TK2: variants seen among roughly 807,000 people sequenced by gnomAD.
The protein encoded by TK2 is thymidine kinase 2, also known as thymidine kinase 2, mitochondrial.
In TK2, 35 loss-of-function variants were observed where a neutral mutation model predicts 41.9. That is an observed-to-expected ratio of 0.84 (90% CI 0.64 to 1.11). TK2 has a LOEUF of 1.11. Ranked by LOEUF, TK2 falls within the 50% of genes least tolerant of loss-of-function variation. The probability of loss-of-function intolerance (pLI) is 0.00; values close to 1 mark genes in which losing one functional copy is unlikely to be tolerated. For synonymous variants in TK2, 128 were observed against 129.1 expected (o/e 0.99, Z 0.06); for missense variants, 320 against 351.1 (o/e 0.91, Z 0.71).
intron 6 of TK2, among the ~76,000 whole-genome samples, chr16:66,519,063 G>A (rs1266128071): frequency 1.3e-5 from 2 of 152,030 alleles, no homozygotes; most frequent in Admixed American, 1.3e-4. Context: ...CCAGGTTCAC[G>A]CCATTCTCCT....
chr16:66,532,728 A>C (rs1018337638), intron 4 of TK2, among the ~76,000 whole-genome samples: 1 of 152,156 alleles, frequency 6.6e-6, no homozygotes, highest in Non-Finnish European at 1.5e-5. Flanking sequence ...AATTGAACAG[A>C]ACACACACAA....
chr16:66,532,336 G>A (rs37177), intron 4 of TK2, among the ~76,000 whole-genome samples: 56,463 of 152,006 alleles, frequency 0.37, 12,491 homozygotes, highest in Middle Eastern at 0.6. Flanking sequence ...AGGCACAGTG[G>A]CTCATGCCTG....
rs903654674 is a variant in TK2 at position 66,517,957 on chromosome 16, C to T, written c.450-80G>A. ...CAATTCCCCCAAAAGGATCTTGAGA[C>T]GGCTCTCAATGAAAGGAGTCACCAA... is the stretch of plus-strand genomic sequence containing the variant. On this transcript the variant is annotated intron_variant, in intron 6 of 9. Transcript: ENST00000544898. This position sits in a 1 kb window ranked among gnomAD's most constrained non-coding sequence, Gnocchi z 4.3. 1.1e-5 allele frequency: 13 copies of T among 1,211,604 alleles called. No individual in the cohort carries two copies. Among genetic ancestry groups the T allele is most frequent in the Middle Eastern group, 1.9e-4 (1 of 5,384 alleles). 75.1% of individuals were successfully genotyped at this position (1,211,604 alleles called of 1,614,324 possible). A position where few individuals can be genotyped will look rare whatever the true frequency, so the allele number is the denominator to read the frequency against.
Position 66,511,603 on chromosome 16 carries a change from G to C in TK2, c.*365C>G. On this transcript the variant is annotated 3_prime_UTR_variant, in exon 10 of 10. Transcript: ENST00000544898. Reference sequence around the variant, plus strand: ...ACCTGGGATATAAGACTCCTACCTCGGCCTCCTAATGAAGGCTGAGACGAT... The same window carrying C: ...ACCTGGGATATAAGACTCCTACCTCCGCCTCCTAATGAAGGCTGAGACGAT... 2 of 365,590 alleles carry C rather than the reference G, an allele frequency of 5.5e-6. No homozygotes were observed. Among genetic ancestry groups the C allele is most frequent in the South Asian group, 4.6e-5 (2 of 43,624 alleles). The allele number at this position is 365,590 out of a possible 1,614,324, so 22.6% of individuals were successfully genotyped here.
Position 66,543,154 on chromosome 16 carries a change from G to A in TK2, c.157-1201C>T, listed in dbSNP as rs184532082. Among the ~76,000 whole-genome samples, 35 of 152,304 alleles carry A rather than the reference G, an allele frequency of 2.3e-4. No homozygotes were observed. The East Asian group carries it at 6.0e-3, about 26-fold the overall frequency. ...CTCCCAAAGTGCTGGGATTACAGGC[G>A]TGAGCCACTGCACCCGGCCAAGCCT... On this transcript the variant is annotated intron_variant, in intron 2 of 9. Transcript: ENST00000544898.
Position 66,527,714 on chromosome 16 carries a change from A to C in TK2, c.449+1280T>G, listed in dbSNP as rs1964977023. Among the ~76,000 whole-genome samples, 4 of 152,152 alleles carry C rather than the reference A, an allele frequency of 2.6e-5. No individual in the cohort carries two copies. The South Asian group carries it at 8.3e-4, about 32-fold the overall frequency. On this transcript the variant is annotated intron_variant, in intron 6 of 9. Coordinates refer to ENST00000544898, the MANE Select transcript of TK2 (RefSeq NM_004614.5). ...GATTGCCTTAAATACTACAAAGAAA[A>C]CTAACAGAAAGTAGTCCTTAAGAAT...
intron 5 of TK2, 145 bp from the exon 6 acceptor site, chr16:66,529,212 TCCTCACTC>T: frequency 1.3e-6 from 1 of 790,488 alleles, no homozygotes; most frequent in Non-Finnish European, 2.2e-6. Flanking sequence ...CAGGAGGACC[TCCTCACTC>T]CCCTGCCGGG....
intron 6 of TK2, among the ~76,000 whole-genome samples, chr16:66,519,399 G>A (rs549067473): frequency 2.6e-4 from 39 of 152,164 alleles, no homozygotes; most frequent in Admixed American, 5.2e-4. Context: ...GGCTGGTCTC[G>A]AACTCCTGAC....
At chr16:66,530,093 C>T (rs1965063125) in intron 5 of TK2, among the ~76,000 whole-genome samples, 1 of 152,224 alleles carries the variant, frequency 6.6e-6, no homozygotes. Context: ...AACCTCAGAT[C>T]TTTCGATTTG....
chr16:66,538,169 G>T (rs902382266), intron 3 of TK2, among the ~76,000 whole-genome samples: 1 of 151,940 alleles, frequency 6.6e-6, no homozygotes, highest in Non-Finnish European at 1.5e-5. Context: ...TCTCTAAAAA[G>T]AAAAGAAAAG....
rs16956600 is a variant in TK2 at position 66,512,079 on chromosome 16, C to A, written c.700-13G>T. The stretch of plus-strand genomic sequence containing the variant: ...CAGCCTCAATCACCTGGAAATTAGA[C>A]ACATGGGTCACAAGGCTGCACTGAC... On this transcript the variant is annotated splice_polypyrimidine_tract_variant and intron_variant, in intron 9 of 9. Transcript: ENST00000544898. 14 of 1,611,018 alleles carry A rather than the reference C, an allele frequency of 8.7e-6. No individual in the cohort carries two copies. The highest frequency in any genetic ancestry group is 4.5e-5 in the East Asian group (2 of 44,858).
chr16:66,549,278 T>C (rs1965706661), intron 1 of TK2: 4 of 1,283,854 alleles, frequency 3.1e-6, no homozygotes, highest in Non-Finnish European at 4.0e-6. Context: ...ACGTTATTTA[T>C]TTAGATCTTC....
chr16:66,541,817 C>T, intron 3 of TK2, 62 bp downstream of exon 3: 1 of 1,559,010 alleles, frequency 6.4e-7, no homozygotes, highest in Non-Finnish European at 8.8e-7. Flanking sequence ...TAGTCCACAC[C>T]CTCTATAAAT....
intron 2 of TK2, among the ~76,000 whole-genome samples, chr16:66,543,893 C>A (rs1305257460): frequency 1.3e-5 from 2 of 152,276 alleles, no homozygotes; most frequent in South Asian, 4.1e-4. Flanking sequence ...TCCTTTAGAG[C>A]CCCAAACTAC....
chr16:66,526,804 T>C (rs1443354080), intron 6 of TK2, among the ~76,000 whole-genome samples: 1 of 152,174 alleles, frequency 6.6e-6, no homozygotes, highest in East Asian at 1.9e-4. Flanking sequence ...CAGGCCAAGC[T>C]GAATGTGATT....
intron 9 of TK2, 143 bp from the exon 10 acceptor site, chr16:66,512,209 G>C: frequency 2.6e-6 from 2 of 756,760 alleles, no homozygotes; most frequent in South Asian, 2.9e-5. Flanking sequence ...AGGAAGGTTA[G>C]AGCCAAATCG....
In TK2 at chr16:66,517,340, T is replaced by G; in HGVS notation, c.539-125A>C. 1 of 845,776 alleles carries G rather than the reference T, an allele frequency of 1.2e-6. No individual in the cohort carries two copies. 52.4% of individuals were successfully genotyped at this position (845,776 alleles called of 1,614,324 possible). A position where few individuals can be genotyped will look rare whatever the true frequency, so the allele number is the denominator to read the frequency against. On this transcript the variant is annotated intron_variant, in intron 7 of 9. Coordinates refer to ENST00000544898, the MANE Select transcript of TK2 (RefSeq NM_004614.5). This position sits in a 1 kb window ranked among gnomAD's most constrained non-coding sequence, Gnocchi z 4.3. The stretch of plus-strand genomic sequence containing the variant: ...GCAGGAAGCAGGGAGGGCCAGCTCT[T>G]GGCTTGACCACTGACCCTCCGCCTC...
At chr16:66,544,032 T>C (rs2144470350) in intron 2 of TK2, among the ~76,000 whole-genome samples, 1 of 152,332 alleles carries the variant, frequency 6.6e-6, no homozygotes, top group African/African-American at 2.4e-5. Flanking sequence ...GAGCTCAACC[T>C]AGACATCACT....
intron 4 of TK2, 81 bp from the exon 5 acceptor site, chr16:66,531,550 G>C: frequency 7.3e-7 from 1 of 1,370,876 alleles, no homozygotes; most frequent in Non-Finnish European, 1.0e-6. Flanking sequence ...CTGAAGGACA[G>C]CTCAAGAAAC....
Sources: allele counts gnomAD v4.1 joint callset (sites outside exome capture counted in the v4.1 genomes callset), GRCh38; gene constraint gnomAD v4.1.1; non-coding constraint Gnocchi (gnomAD v3.1); transcripts MANE v1.5; gene names NCBI Gene and HGNC (gene_info 2026-07-23, HGNC 2026-07-21).